The following PON1 variants were observed in gnomAD, a reference collection of about 807,000 sequenced individuals.
PON1 encodes the protein serum paraoxonase/arylesterase 1.
Under a neutral mutation model 39.2 loss-of-function variants are expected in PON1, and 37 were observed. That is an observed-to-expected ratio of 0.94 (90% CI 0.73 to 1.24). The LOEUF is 1.24. Among genes scored for constraint, PON1 ranks in the 50% most tolerant of loss-of-function variants. The probability of loss-of-function intolerance (pLI) is 0.00; values close to 1 mark genes in which losing one functional copy is unlikely to be tolerated. For missense variants in PON1, 397 were observed against 413.5 expected (o/e 0.96, Z 0.35); for synonymous variants, 148 against 152.2 (o/e 0.97, Z 0.21).
chr7:95,310,904 T>C (rs1466351709), intron 5 of PON1, among the ~76,000 whole-genome samples: 3 of 152,200 alleles, frequency 2.0e-5, no homozygotes, highest in African/African-American at 2.4e-5. Context: ...CTTGAGTGTT[T>C]TATTTCACCA....
At chr7:95,306,239 G>A (rs751178924) in intron 7 of PON1, 46 bp downstream of exon 7, 28 of 1,441,658 alleles carry the variant, frequency 1.9e-5, no homozygotes, top group Middle Eastern at 1.7e-4. Flanking sequence ...AAATCAATTA[G>A]AATCTAATTA....
chr7:95,301,986 A>G (rs1162364832), intron 8 of PON1, among the ~76,000 whole-genome samples: 1 of 149,932 alleles, frequency 6.7e-6, no homozygotes, highest in Admixed American at 6.7e-5. Context: ...GGTCCCAACT[A>G]CTTGGGAGGC....
At chr7:95,304,327 CTTTTTTTTTTT>C (rs34709624) in intron 7 of PON1, among the ~76,000 whole-genome samples, 3 of 109,512 alleles carry the variant, frequency 2.7e-5, no homozygotes, top group Non-Finnish European at 5.2e-5. Flanking sequence ...AACTTCATTC[CTTTTTTTTTTT>C]TTTTTTTTTT....
chr7:95,318,070 CTTTTTTCT>C (rs1236256947), intron 2 of PON1, among the ~76,000 whole-genome samples: 1 of 131,756 alleles, frequency 7.6e-6, no homozygotes, highest in East Asian at 2.4e-4. Context: ...TTCTATTTTT[CTTTTTTCT>C]TTTTTTCTTT....
rs1585689343 is a variant in PON1 at position 95,298,877 on chromosome 7, C to T, written c.*67G>A. The T allele has an allele frequency of 3.2e-6, 5 of 1,585,662 alleles. No individual in the cohort carries two copies. Among genetic ancestry groups the T allele is most frequent in the Admixed American group, 1.7e-5 (1 of 59,942 alleles). ...CATTGTTCAGCTAAGAACACTGGGTCCTCGGAATATGGCAAGCGGTTGAAA... is the reference window on the plus strand; with the variant it reads ...CATTGTTCAGCTAAGAACACTGGGTTCTCGGAATATGGCAAGCGGTTGAAA... On this transcript the variant is annotated 3_prime_UTR_variant, in exon 9 of 9. Coordinates refer to ENST00000222381, the MANE Select transcript of PON1 (RefSeq NM_000446.7).
chr7:95,309,647 T>C (rs1322959679), intron 5 of PON1, among the ~76,000 whole-genome samples: 3 of 152,174 alleles, frequency 2.0e-5, no homozygotes, highest in Non-Finnish European at 2.9e-5. Flanking sequence ...GCCACAGCAT[T>C]GTCACTAAAT....
At chr7:95,304,408 C>T (rs1473596131) in intron 7 of PON1, among the ~76,000 whole-genome samples, 2 of 146,280 alleles carry the variant, frequency 1.4e-5, no homozygotes, top group Non-Finnish European at 3.0e-5. Context: ...TCTCAGCTCA[C>T]TGCAACCTCC....
At chr7:95,310,378 T>A (rs2116312455) in intron 5 of PON1, among the ~76,000 whole-genome samples, 1 of 152,350 alleles carries the variant, frequency 6.6e-6, no homozygotes, top group Non-Finnish European at 1.5e-5. Flanking sequence ...TAAATCTTGG[T>A]GTTCCTCACA....
intron 4 of PON1, among the ~76,000 whole-genome samples, chr7:95,314,234 C>T (rs752468231): frequency 6.6e-6 from 1 of 152,108 alleles, no homozygotes. Flanking sequence ...GCGGCATGCA[C>T]CTGTGGTCCC....
intron 8 of PON1, 140 bp downstream of exon 8, chr7:95,302,065 C>T: frequency 1.1e-6 from 1 of 899,070 alleles, no homozygotes; most frequent in Non-Finnish European, 1.6e-6. Context: ...CCACTGCACT[C>T]CAGCCTGGGC....
At chr7:95,314,522 G>A (rs1807724128) in intron 4 of PON1, among the ~76,000 whole-genome samples, 1 of 152,148 alleles carries the variant, frequency 6.6e-6, no homozygotes, top group South Asian at 2.1e-4. Flanking sequence ...AAGTCCAGAA[G>A]AGGAACTGAA....
At chr7:95,309,707 TAG>T (rs1348127491) in intron 5 of PON1, among the ~76,000 whole-genome samples, 1 of 152,126 alleles carries the variant, frequency 6.6e-6, no homozygotes, top group Non-Finnish European at 1.5e-5. Flanking sequence ...CTTGAAAGGC[TAG>T]AGTAAGAATA....
intron 5 of PON1, among the ~76,000 whole-genome samples, chr7:95,310,482 T>C (rs1368683762): frequency 6.6e-6 from 1 of 152,192 alleles, no homozygotes; most frequent in Non-Finnish European, 1.5e-5. Context: ...CTCTGAACTT[T>C]TATTCATCTT....
chr7:95,311,412 A>G, intron 5 of PON1, 39 bp downstream of exon 5: 2 of 1,611,868 alleles, frequency 1.2e-6, no homozygotes, highest in Middle Eastern at 1.7e-4. Context: ...ACTATCCGCT[A>G]CAGCTAAAGG....
chr7:95,306,787 T>A (rs1247269958), intron 6 of PON1, among the ~76,000 whole-genome samples: 1 of 152,094 alleles, frequency 6.6e-6, no homozygotes, highest in African/African-American at 2.4e-5. Context: ...AGAGAAAATA[T>A]GAGAGAAGAA....
rs1298877682 is a variant in PON1 at position 95,297,685 on chromosome 7, G to C, written c.*1259C>G. The C allele has an allele frequency of 1.3e-5, 2 of 152,114 alleles. No individual in the cohort carries two copies. The highest frequency in any genetic ancestry group is 2.9e-5 in the Non-Finnish European group (2 of 68,066). The allele number at this position is 152,114 out of a possible 1,614,324, so 9.4% of individuals were successfully genotyped here. ...TGTGTGCCTGTAGTCCCAGCTATCC[G>C]GGAGGCTGAGGCACAAGAATCTCTT... On this transcript the variant is annotated 3_prime_UTR_variant, in exon 9 of 9. Transcript: ENST00000222381.
intron 1 of PON1, among the ~76,000 whole-genome samples, chr7:95,321,385 TC>T (rs1370526369): frequency 6.6e-6 from 1 of 152,146 alleles, no homozygotes; most frequent in Non-Finnish European, 1.5e-5. Context: ...CATTAAGAAA[TC>T]CGTATCGATT....
Position 95,306,298 on chromosome 7 carries a change from A to C in PON1, c.767T>G (p.Leu256Ter). Residue 256 changes from leucine (L) to a stop codon, truncating the protein, a stop_gained, in exon 7 of 9, where the codon TTA (leucine) becomes TGA (stop). Coordinates refer to ENST00000222381, the MANE Select transcript of PON1 (RefSeq NM_000446.7). LOFTEE classifies it high-confidence loss of function. Reference sequence around the variant, plus strand: ...AATACGTCTTACCTTCAATGGAGTTAAAGTCCAATTAGCATGCTTTTCATA... The same window carrying C: ...AATACGTCTTACCTTCAATGGAGTTCAAGTCCAATTAGCATGCTTTTCATA... The part of the protein sequence containing the change: ...HVYEKHANWT[L>*]TPLKSLDFNT... 1 of 1,609,166 alleles carries C rather than the reference A, an allele frequency of 6.2e-7. No individual in the cohort carries two copies. Among genetic ancestry groups the C allele is most frequent in the East Asian group, 2.2e-5 (1 of 44,842 alleles).
At chr7:95,314,878 C>A (rs182146852) in intron 4 of PON1, among the ~76,000 whole-genome samples, 1 of 152,102 alleles carries the variant, frequency 6.6e-6, no homozygotes, top group Non-Finnish European at 1.5e-5. Context: ...GAGGAACCAG[C>A]GGACAGGAGG....
Sources: gnomAD v4.1 joint callset for allele counts (sites outside exome capture counted in the v4.1 genomes callset) on GRCh38, gnomAD v4.1.1 for gene constraint, MANE v1.5 for transcripts, NCBI Gene and HGNC (gene_info 2026-07-23, HGNC 2026-07-21) for gene names.